EPB41: variants seen among roughly 807,000 people sequenced by gnomAD.
The protein encoded by EPB41 is protein 4.1.
Under a neutral mutation model 108.0 loss-of-function variants are expected in EPB41, and 65 were observed. The ratio of observed to expected loss-of-function variants is 0.60; its 90% confidence interval spans 0.49 to 0.74. EPB41 has a LOEUF of 0.74. EPB41 is among the 30% of genes least tolerant of loss of function. The pLI, the probability that EPB41 is intolerant of heterozygous loss-of-function variation, is 0.00. For synonymous variants in EPB41, 336 were observed against 358.9 expected (o/e 0.94, Z 0.72); for missense variants, 875 against 1,037.0 (o/e 0.84, Z 2.15).
chr1:29,065,316 AT>A (rs998526698), intron 16 of EPB41, 158 bp downstream of exon 16: 729 of 1,315,842 alleles, frequency 5.5e-4, no homozygotes, highest in Middle Eastern at 1.4e-3. Flanking sequence ...TCAAATATTT[AT>A]TTTTTTTTAA....
chr1:28,916,197 A>T (rs2092656457), intron 1 of EPB41, among the ~76,000 whole-genome samples: 2 of 152,242 alleles, frequency 1.3e-5, no homozygotes, highest in Non-Finnish European at 2.9e-5. Flanking sequence ...AGATTCAAAA[A>T]TAGATGTAAT....
intron 1 of EPB41, among the ~76,000 whole-genome samples, chr1:28,906,953 T>TGTATTTTCA (rs201117023): frequency 0.13 from 19,111 of 151,654 alleles, 1,692 homozygotes; most frequent in African/African-American, 0.26. Context: ...CTAATTTTTT[T>TGTATTTTCA]GTAGAGACGG....
At chr1:28,900,145 A>C (rs1236986153) in intron 1 of EPB41, among the ~76,000 whole-genome samples, 1 of 152,190 alleles carries the variant, frequency 6.6e-6, no homozygotes, top group Non-Finnish European at 1.5e-5. Context: ...AGGACTTGAG[A>C]AATGTACAGG....
chr1:28,887,547 C>A lies in EPB41; in HGVS notation c.-8+337C>A. On this transcript the variant is annotated intron_variant, in intron 1 of 16. Transcript: ENST00000347529. This position sits in a 1 kb window ranked among gnomAD's most constrained non-coding sequence, Gnocchi z 4.9. ...TTCGGTGTCCGCGGGAGAGTCCCTG[C>A]AGGTCGGCGCAGCCCCCGGCCGCCC... is the stretch of plus-strand genomic sequence containing the variant. 2.0e-6 allele frequency: 2 copies of A among 985,134 alleles called. No individual in the cohort carries two copies. The highest frequency in any genetic ancestry group is 2.4e-6 in the Non-Finnish European group (2 of 829,794). The allele number at this position is 985,134 out of a possible 1,614,324, so 61.0% of individuals were successfully genotyped here. A position where few individuals can be genotyped will look rare whatever the true frequency, so the allele number is the denominator to read the frequency against.
intron 1 of EPB41, among the ~76,000 whole-genome samples, chr1:28,977,687 GC>G (rs2095639936): frequency 6.6e-6 from 1 of 152,096 alleles, no homozygotes; most frequent in Non-Finnish European, 1.5e-5. Context: ...TGTTTGTAGA[GC>G]ATTTATCCTG....
intron 1 of EPB41, among the ~76,000 whole-genome samples, chr1:28,924,841 G>A (rs1432305238): frequency 6.6e-6 from 1 of 152,146 alleles, no homozygotes; most frequent in Non-Finnish European, 1.5e-5. Flanking sequence ...CTGTCACCCA[G>A]GCTGGAGTGC....
chr1:29,063,603 G>T lies in EPB41; in HGVS notation c.2008-1379G>T, dbSNP rs74796670. On this transcript the variant is annotated intron_variant, in intron 15 of 20. Transcript: ENST00000343067. ...CTTTTAAGCAAAATTTTATTTAAAT[G>T]AATTATAATTTTTTACCCCAATACA... Among the ~76,000 whole-genome samples the T allele has an allele frequency of 8.5e-3, 1,286 of 152,152 alleles. 11 individuals are homozygous for T. Among genetic ancestry groups the T allele is most frequent in the Middle Eastern group, 0.078 (23 of 294 alleles).
rs1468128146 is a variant in EPB41 at position 29,018,337 on chromosome 1, A to G, written c.1019A>G (p.Tyr340Cys). The stretch of plus-strand genomic sequence containing the variant: ...ACCATCCAGTCTGAACTGGGAGACT[A>G]CGACCCAGAACTCCATGGCGTGGAT... ...SYTIQSELGD[Y>C]DPELHGVDYV... The change falls in exon 7 of 21, where the codon TAC becomes TGC. Residue 340 changes from tyrosine to cysteine, a missense_variant. Around this residue, in one of 3 missense-constraint regions of EPB41, gnomAD observed 353 missense variants for 393.2 expected, o/e 0.90. Transcript: ENST00000343067. This position sits in a 1 kb window ranked among gnomAD's most constrained non-coding sequence, Gnocchi z 4.4. The G allele has an allele frequency of 6.2e-7, 1 of 1,614,128 alleles. No individual in the cohort carries two copies. The highest frequency in any genetic ancestry group is 1.7e-5 in the Admixed American group (1 of 59,972).
At chr1:28,903,322 C>CTTTTTTTTTTT (rs1469847584) in intron 1 of EPB41, among the ~76,000 whole-genome samples, 1 of 144,440 alleles carries the variant, frequency 6.9e-6, no homozygotes, top group African/African-American at 2.7e-5. Flanking sequence ...TTTTTCTTTT[C>CTTTTTTTTTTT]TTTCTTTTTT....
chr1:29,117,393 G>T lies in EPB41; in HGVS notation c.*581G>T, dbSNP rs1225783714. ...AAGATGCCCCTGTTCCTTTGTTGCG[G>T]GTGGTTTTGGTAAGGCAGAGCCCTC... On this transcript the variant is annotated 3_prime_UTR_variant, in exon 21 of 21. Coordinates refer to ENST00000343067, the MANE Select transcript of EPB41 (RefSeq NM_001376013.1). The T allele has an allele frequency of 6.5e-6, 1 of 152,692 alleles. No homozygotes were observed. Among genetic ancestry groups the T allele is most frequent in the Admixed American group, 6.5e-5 (1 of 15,282 alleles). The allele number at this position is 152,692 out of a possible 1,614,324, so 9.5% of individuals were successfully genotyped here.
chr1:29,111,354 A>C (rs1395017295), intron 18 of EPB41, among the ~76,000 whole-genome samples: 1 of 151,932 alleles, frequency 6.6e-6, no homozygotes, highest in African/African-American at 2.4e-5. Context: ...TGTTTAGCTT[A>C]ATAAAGATTT....
At chr1:29,061,537 G>C (rs1329239046) in intron 15 of EPB41, among the ~76,000 whole-genome samples, 1 of 150,570 alleles carries the variant, frequency 6.6e-6, no homozygotes, top group Non-Finnish European at 1.5e-5. Context: ...CCAAAGTGCT[G>C]GGGTTACAGG....
At chr1:29,080,211 C>T (rs1181215762) in intron 16 of EPB41, among the ~76,000 whole-genome samples, 7 of 151,262 alleles carry the variant, frequency 4.6e-5, no homozygotes, top group South Asian at 2.1e-4. Context: ...CTCTCCCTCC[C>T]GGGTTCAAGC....
chr1:29,056,132 G>A (rs555271020), intron 12 of EPB41, among the ~76,000 whole-genome samples: 1 of 151,298 alleles, frequency 6.6e-6, no homozygotes, highest in Admixed American at 6.6e-5. Context: ...TACTCGGGAG[G>A]CCGAGGCAGG....
At position 28,937,497 on chromosome 1, in the gene EPB41, T is replaced by C. The variant is rs1447168576; in HGVS notation, c.-8+22729T>C. On this transcript the variant is annotated intron_variant, in intron 1 of 20. Transcript: ENST00000343067. ...GCAACCTCTGCCTCACAGGCTCAAG[T>C]GATTCTCCTGCCTCATCCTCCCAAG... Among the ~76,000 whole-genome samples, 7 of 152,254 alleles carry C rather than the reference T, an allele frequency of 4.6e-5. No homozygotes were observed. In the East Asian group the frequency reaches 5.8e-4, roughly 13 times the overall value.
chr1:29,012,010 A>G, intron 5 of EPB41, 103 bp downstream of exon 5: 3 of 1,212,918 alleles, frequency 2.5e-6, no homozygotes, highest in Non-Finnish European at 3.6e-6. Context: ...AATCCTGACT[A>G]CTGCAGATTG....
At chr1:29,019,628 T>C (rs543362884) in intron 7 of EPB41, among the ~76,000 whole-genome samples, 88 of 152,300 alleles carry the variant, frequency 5.8e-4, no homozygotes, top group Non-Finnish European at 9.1e-4. Flanking sequence ...AGGATCACAC[T>C]GCTCAAAGAG....
At chr1:29,002,382 G>A (rs563485190) in intron 4 of EPB41, among the ~76,000 whole-genome samples, 2 of 151,926 alleles carry the variant, frequency 1.3e-5, no homozygotes, top group East Asian at 3.9e-4. Context: ...AGCCTGGGAA[G>A]GTGAGGCTGC....
chr1:29,008,328 A>G (rs1383824166), intron 4 of EPB41, among the ~76,000 whole-genome samples: 1 of 152,118 alleles, frequency 6.6e-6, no homozygotes. Flanking sequence ...GACCCTTTTG[A>G]TCAATATCAG....
Sources: allele counts gnomAD v4.1 joint callset (sites outside exome capture counted in the v4.1 genomes callset), GRCh38; gene constraint gnomAD v4.1.1; regional missense constraint gnomAD v4.1.1; non-coding constraint Gnocchi (gnomAD v3.1); transcripts MANE v1.5; gene names NCBI Gene and HGNC (gene_info 2026-07-23, HGNC 2026-07-21).